Variants in NAV1 observed in about 807,000 individuals in gnomAD.
The protein encoded by NAV1 is neuron navigator 1, also known as pore membrane and/or filament interacting like protein 3.
NAV1 carries 18 observed loss-of-function variants against 175.2 expected under a neutral mutation model. The observed-to-expected ratio is 0.10, with a 90% CI of 0.07 to 0.15. The LOEUF is 0.15. Among genes scored for constraint, NAV1 ranks in the 10% least tolerant of loss-of-function variants. The pLI, the probability that NAV1 is intolerant of heterozygous loss-of-function variation, is 1.00. For missense variants in NAV1, 1,731 were observed against 2,436.6 expected, an observed-to-expected ratio of 0.71 and a Z score of 6.10; for synonymous variants, 897 against 978.7, an observed-to-expected ratio of 0.92 and a Z score of 1.56.
At position 201,813,673 on chromosome 1, in the gene NAV1, A is replaced by G. The variant is rs896816278; in HGVS notation, c.5340+415A>G. 1.5e-4 allele frequency among the ~76,000 whole-genome samples: 7 copies of G among 45,434 alleles called. No individual in the cohort carries two copies. Among genetic ancestry groups the G allele is most frequent in the Admixed American group, 3.1e-4 (1 of 3,244 alleles). 29.8% of individuals were successfully genotyped at this position (45,434 alleles called of 152,430 possible). On this transcript the variant is annotated intron_variant, in intron 28 of 29. Transcript: ENST00000367296. This position sits in a 1 kb window ranked among gnomAD's most constrained non-coding sequence, Gnocchi z 4.2. ...GACCTTTTTAAATACCCTCATATGT[A>G]AAAAAAAAAAGGAGACATCACCTTC...
chr1:201,680,907 T>C (rs974992427), intron 1 of NAV1, among the ~76,000 whole-genome samples: 4 of 152,178 alleles, frequency 2.6e-5, no homozygotes, highest in Non-Finnish European at 5.9e-5. Flanking sequence ...CTTGCGCCCA[T>C]GCTTCTTTAC....
At chr1:201,731,262 C>G (rs1571912252) in intron 3 of NAV1, among the ~76,000 whole-genome samples, 1 of 151,970 alleles carries the variant, frequency 6.6e-6, no homozygotes, top group African/African-American at 2.4e-5. Context: ...TGAGACCCAT[C>G]CAAACGTGTG....
intron 1 of NAV1, among the ~76,000 whole-genome samples, chr1:201,710,349 T>C (rs1190204007): frequency 6.6e-6 from 1 of 152,026 alleles, no homozygotes; most frequent in Non-Finnish European, 1.5e-5. Flanking sequence ...TATAGTGGTG[T>C]GATCATAGTT....
At position 201,812,357 on chromosome 1, in the gene NAV1, T is replaced by C; in HGVS notation, c.5025-108T>C. 2 of 1,088,562 alleles carry C rather than the reference T, an allele frequency of 1.8e-6. No homozygotes were observed. Among genetic ancestry groups the C allele is most frequent in the African/African-American group, 1.6e-5 (1 of 64,468 alleles). 67.4% of individuals were successfully genotyped at this position (1,088,562 alleles called of 1,614,324 possible). On this transcript the variant is annotated intron_variant, in intron 26 of 29. Transcript: ENST00000367296. The surrounding 1 kb of genome is among the most constrained non-coding windows in gnomAD (Gnocchi z 4.6). ...CACTATTACTTGAAAAGAAACCAAG[T>C]AGGCATTAGTGAGAAGCAGGCAGAA...
intron 3 of NAV1, among the ~76,000 whole-genome samples, chr1:201,737,764 A>T (rs1332910037): frequency 3.3e-5 from 5 of 152,158 alleles, no homozygotes; most frequent in Non-Finnish European, 7.4e-5. Context: ...AAAGGAGGAA[A>T]CCTTATGGAA....
At chr1:201,548,316 T>C (rs1174101929) in intron 1 of NAV1, among the ~76,000 whole-genome samples, 3 of 152,244 alleles carry the variant, frequency 2.0e-5, no homozygotes, top group Admixed American at 2.0e-4. Flanking sequence ...GGAGGATTTC[T>C]TGAAGCCAGA....
At chr1:201,784,393 A>G (rs949618083) in intron 7 of NAV1, among the ~76,000 whole-genome samples, 3 of 152,194 alleles carry the variant, frequency 2.0e-5, no homozygotes, top group Non-Finnish European at 4.4e-5. Context: ...CCTGACCTCA[A>G]GTGATCTGCC....
intron 15 of NAV1, among the ~76,000 whole-genome samples, chr1:201,802,728 G>T (rs1678016233): frequency 6.6e-6 from 1 of 151,048 alleles, no homozygotes; most frequent in South Asian, 2.1e-4. Context: ...GCAATGAGCC[G>T]AGATCACACC....
chr1:201,597,376 C>G (rs553874890), intron 2 of NAV1, among the ~76,000 whole-genome samples: 8 of 152,248 alleles, frequency 5.3e-5, no homozygotes, highest in African/African-American at 1.2e-4. Flanking sequence ...CAAATACCCC[C>G]CTACACTCTC....
intron 1 of NAV1, among the ~76,000 whole-genome samples, chr1:201,581,401 G>A (rs978934006): frequency 5.3e-5 from 8 of 152,002 alleles, no homozygotes; most frequent in African/African-American, 1.4e-4. Context: ...AGAAAGAAAC[G>A]GAGTTTAGCT....
At position 201,787,877 on chromosome 1, in the gene NAV1, G is replaced by C; in HGVS notation, c.2996-591G>C. On this transcript the variant is annotated intron_variant, in intron 9 of 29. Transcript: ENST00000367296. The surrounding 1 kb of genome is among the most constrained non-coding windows in gnomAD (Gnocchi z 4.3). The stretch of plus-strand genomic sequence containing the variant: ...CTCTGTCCATCTGACCTTCAAGCCG[G>C]GGCAATGCTAGGCAAAGAGGGCCAT... 5.7e-6 allele frequency: 2 copies of C among 352,804 alleles called. No individual in the cohort carries two copies. Among genetic ancestry groups the C allele is most frequent in the East Asian group, 1.5e-4 (2 of 13,282 alleles). The allele number at this position is 352,804 out of a possible 1,614,324, so 21.9% of individuals were successfully genotyped here. A position where few individuals can be genotyped will look rare whatever the true frequency, so the allele number is the denominator to read the frequency against.
At chr1:201,602,667 G>GTTTT (rs374267102) in intron 2 of NAV1, among the ~76,000 whole-genome samples, 68 of 120,678 alleles carry the variant, frequency 5.6e-4, no homozygotes, top group African/African-American at 1.8e-3. Flanking sequence ...TTTTTTTTTG[G>GTTTT]TTTTTTTTTT....
chr1:201,585,035 C>T (rs889913318), intron 1 of NAV1, among the ~76,000 whole-genome samples: 6 of 145,234 alleles, frequency 4.1e-5, no homozygotes, highest in African/African-American at 1.2e-4. Context: ...CCATGCACAA[C>T]TAATAAGACA....
rs550039938 is a variant in NAV1, at chr1:201,611,254, G to T, written c.-32-11599G>T. 5.3e-5 allele frequency among the ~76,000 whole-genome samples: 8 copies of T among 152,322 alleles called. 1 individual carries two copies. The highest frequency in any genetic ancestry group is 1.9e-4 in the African/African-American group (8 of 41,568). ...GGCCCAGCTGAATGGCCCCCAGCTGGTTTGCTGAAGCCTGAAGCCAGGGTC... is the reference window on the plus strand; with the variant it reads ...GGCCCAGCTGAATGGCCCCCAGCTGTTTTGCTGAAGCCTGAAGCCAGGGTC... On this transcript the variant is annotated intron_variant, in intron 2 of 33. Coordinates refer to the NAV1 transcript ENST00000685211.
intron 3 of NAV1, among the ~76,000 whole-genome samples, chr1:201,748,953 G>T (rs1197740672): frequency 3.9e-5 from 6 of 152,118 alleles, no homozygotes; most frequent in African/African-American, 1.4e-4. Flanking sequence ...TTCGAGACCA[G>T]CCTGGCCAAC....
At chr1:201,778,937 G>A (rs1676125911) in intron 3 of NAV1, among the ~76,000 whole-genome samples, 1 of 152,336 alleles carries the variant, frequency 6.6e-6, no homozygotes. Context: ...TATATGCAAT[G>A]CTGATAAACA....
intron 1 of NAV1, 117 bp downstream of exon 3, chr1:201,623,723 A>C (rs1036801578): frequency 1.1e-6 from 1 of 950,338 alleles, no homozygotes; most frequent in Non-Finnish European, 1.3e-6. Context: ...AGAGGGCCCC[A>C]GGCGATACAA....
chr1:201,793,936 G>A, intron 14 of NAV1, 61 bp downstream of exon 18: 1 of 1,427,936 alleles, frequency 7.0e-7, no homozygotes, highest in Non-Finnish European at 9.7e-7. Context: ...CCTGGACAGA[G>A]AGGCCGAAGC....
intron 2 of NAV1, among the ~76,000 whole-genome samples, chr1:201,641,880 G>A (rs1226010277): frequency 6.6e-6 from 1 of 151,724 alleles, no homozygotes; most frequent in African/African-American, 2.4e-5. Context: ...TCTCCCTCCC[G>A]CAAATCTCCC....
Sources: allele counts gnomAD v4.1 joint callset (sites outside exome capture counted in the v4.1 genomes callset), GRCh38; gene constraint gnomAD v4.1.1; non-coding constraint Gnocchi (gnomAD v3.1); transcripts MANE v1.5; gene names NCBI Gene and HGNC (gene_info 2026-07-23, HGNC 2026-07-21).